FRMD4A: variants seen among roughly 807,000 people sequenced by gnomAD.
The protein encoded by FRMD4A is FERM domain-containing protein 4A.
In FRMD4A, 29 loss-of-function variants were observed where a neutral mutation model predicts 129.1. That is an observed-to-expected ratio of 0.22 (90% CI 0.17 to 0.31). FRMD4A has a LOEUF of 0.31. Among genes scored for constraint, FRMD4A ranks in the 10% least tolerant of loss-of-function variants. The probability of loss-of-function intolerance (pLI) is 1.00; values close to 1 mark genes in which losing one functional copy is unlikely to be tolerated. For missense variants in FRMD4A, 1,272 were observed against 1,375.8 expected (o/e 0.92, Z 1.19); for synonymous variants, 634 against 571.6 (o/e 1.11, Z -1.56).
intron 2 of FRMD4A, among the ~76,000 whole-genome samples, chr10:13,869,188 T>A (rs1661188417): frequency 6.6e-6 from 1 of 152,138 alleles, no homozygotes; most frequent in Non-Finnish European, 1.5e-5. Flanking sequence ...CAATGAACCA[T>A]CTCCACATGA....
intron 2 of FRMD4A, among the ~76,000 whole-genome samples, chr10:14,098,022 T>TA (rs1455828789): frequency 8.2e-5 from 7 of 85,256 alleles, no homozygotes; most frequent in African/African-American, 2.6e-4. Flanking sequence ...ATATATTATA[T>TA]AAATTATAGA....
intron 14 of FRMD4A, among the ~76,000 whole-genome samples, chr10:13,699,235 T>TTTTTTTTTTTTTTTTA (rs2086562286): frequency 7.6e-6 from 1 of 131,878 alleles, no homozygotes; most frequent in East Asian, 2.0e-4. Context: ...TTTTTTTTTT[T>TTTTTTTTTTTTTTTTA]TTTTTTTTTT....
chr10:14,168,031 C>A (rs1571139), intron 2 of FRMD4A, among the ~76,000 whole-genome samples: 151,734 of 152,298 alleles, frequency 1, 75,589 homozygotes, highest in Middle Eastern at 1. Context: ...AGGACCAAGA[C>A]TCTTCACTTT....
At chr10:14,282,279 G>A (rs1845546667) in intron 2 of FRMD4A, among the ~76,000 whole-genome samples, 1 of 152,132 alleles carries the variant, frequency 6.6e-6, no homozygotes, top group Admixed American at 6.5e-5. Flanking sequence ...TTAGGGACCA[G>A]CAAGTGACCC....
intron 2 of FRMD4A, chr10:14,008,239 C>A: frequency 9.1e-7 from 1 of 1,099,874 alleles, no homozygotes; most frequent in Non-Finnish European, 1.1e-6. Flanking sequence ...AAGGAGCCTC[C>A]CTCAAAAATA....
At chr10:14,029,114 G>T (rs1333178715) in intron 2 of FRMD4A, among the ~76,000 whole-genome samples, 1 of 152,070 alleles carries the variant, frequency 6.6e-6, no homozygotes, top group Non-Finnish European at 1.5e-5. Flanking sequence ...AACACTTGTG[G>T]GTATGTTTTT....
intron 2 of FRMD4A, among the ~76,000 whole-genome samples, chr10:14,295,453 G>T (rs11258999): frequency 5.3e-4 from 81 of 152,320 alleles, no homozygotes; most frequent in African/African-American, 1.9e-3. Context: ...AGTCACCCTA[G>T]TCCCATTTCT....
intron 2 of FRMD4A, among the ~76,000 whole-genome samples, chr10:14,079,939 C>A (rs1835829845): frequency 6.6e-6 from 1 of 152,132 alleles, no homozygotes; most frequent in South Asian, 2.1e-4. Context: ...TGAGTCTATA[C>A]AATGAAATCA....
chr10:13,834,503 G>A (rs1419780115), intron 3 of FRMD4A, among the ~76,000 whole-genome samples: 3 of 152,138 alleles, frequency 2.0e-5, no homozygotes, highest in Admixed American at 6.6e-5. Flanking sequence ...CCCTTCCCCC[G>A]GAGGCTTCTT....
intron 2 of FRMD4A, among the ~76,000 whole-genome samples, chr10:14,266,839 G>T (rs1433109791): frequency 6.6e-6 from 1 of 152,026 alleles, no homozygotes; most frequent in African/African-American, 2.4e-5. Context: ...GAATTTTAGG[G>T]TGACTAGATG....
At chr10:13,949,122 A>G (rs930738757) in intron 2 of FRMD4A, among the ~76,000 whole-genome samples, 16 of 152,134 alleles carry the variant, frequency 1.1e-4, no homozygotes, top group African/African-American at 3.9e-4. Flanking sequence ...ATACAATTCA[A>G]CACATGCCAA....
At chr10:13,714,926 C>G (rs1329619319) in intron 12 of FRMD4A, among the ~76,000 whole-genome samples, 5 of 152,082 alleles carry the variant, frequency 3.3e-5, no homozygotes, top group Non-Finnish European at 1.5e-5. Flanking sequence ...GTAGTCCCAG[C>G]TATTCGGGAG....
At chr10:14,327,741 G>C (rs1843334947) in intron 2 of FRMD4A, among the ~76,000 whole-genome samples, 1 of 152,152 alleles carries the variant, frequency 6.6e-6, no homozygotes, top group Non-Finnish European at 1.5e-5. Flanking sequence ...AATCAGAACT[G>C]CAATCCACCA....
At chr10:13,916,162 G>A (rs893444744) in intron 2 of FRMD4A, among the ~76,000 whole-genome samples, 1 of 152,184 alleles carries the variant, frequency 6.6e-6, no homozygotes, top group African/African-American at 2.4e-5. Flanking sequence ...CCTGACCGTG[G>A]CTCTGGCTGT....
intron 2 of FRMD4A, among the ~76,000 whole-genome samples, chr10:14,078,046 G>A (rs1835712147): frequency 2.0e-5 from 3 of 152,206 alleles, no homozygotes; most frequent in Admixed American, 2.0e-4. Flanking sequence ...CAATTCACCT[G>A]ATGATGACCC....
intron 16 of FRMD4A, 82 bp downstream of exon 16, chr10:13,674,829 C>G: frequency 7.0e-7 from 1 of 1,437,134 alleles, no homozygotes; most frequent in Non-Finnish European, 9.7e-7. Flanking sequence ...CAAATGACAT[C>G]AAAAAGATCA....
chr10:14,190,656 G>T (rs1842288258), intron 2 of FRMD4A, among the ~76,000 whole-genome samples: 3 of 152,208 alleles, frequency 2.0e-5, no homozygotes, highest in Admixed American at 6.5e-5. Context: ...AAAGTGCTGG[G>T]ATTACCGGCG....
chr10:13,899,117 G>C (rs1309254356), intron 2 of FRMD4A, among the ~76,000 whole-genome samples: 4 of 152,050 alleles, frequency 2.6e-5, no homozygotes, highest in African/African-American at 4.8e-5. Context: ...GTTTGTGATC[G>C]CACCACTGCA....
chr10:14,265,025 G>A (rs938391730), intron 2 of FRMD4A, among the ~76,000 whole-genome samples: 7 of 152,126 alleles, frequency 4.6e-5, no homozygotes, highest in African/African-American at 9.7e-5. Context: ...CTCGTGATCC[G>A]CAAGCCTCGG....
Sources: gnomAD v4.1 joint callset for allele counts (sites outside exome capture counted in the v4.1 genomes callset) on GRCh38, gnomAD v4.1.1 for gene constraint, MANE v1.5 for transcripts, NCBI Gene and HGNC (gene_info 2026-07-23, HGNC 2026-07-21) for gene names.